The following IFNG-AS1 variants were observed in gnomAD, a reference collection of about 807,000 sequenced individuals.
IFNG-AS1 encodes the protein IFNG regulatory antisense RNA 1, also known as IFNG antisense RNA 1 (non-protein coding).
At chr12:67,991,754 G>A (rs1441850460) in intron 1 of IFNG-AS1, among the ~76,000 whole-genome samples, 1 of 152,156 alleles carries the variant, frequency 6.6e-6, no homozygotes, top group Non-Finnish European at 1.5e-5. Context: ...CTTTTAAATA[G>A]CTGGAAGTCT....
intron 1 of IFNG-AS1, among the ~76,000 whole-genome samples, chr12:67,990,027 T>C (rs1879466668): frequency 6.6e-6 from 1 of 152,210 alleles, no homozygotes; most frequent in African/African-American, 2.4e-5. Context: ...TTAAAATGAA[T>C]TCAGAGAAGT....
At chr12:68,011,006 A>G (rs1167773490) in intron 3 of IFNG-AS1, among the ~76,000 whole-genome samples, 1 of 152,112 alleles carries the variant, frequency 6.6e-6, no homozygotes, top group Admixed American at 6.6e-5. Flanking sequence ...CACTACTATG[A>G]GGTAGGTTTT....
At chr12:68,012,727 TATC>T (rs1409387725) in intron 3 of IFNG-AS1, among the ~76,000 whole-genome samples, 3 of 152,206 alleles carry the variant, frequency 2.0e-5, no homozygotes, top group Non-Finnish European at 4.4e-5. Flanking sequence ...GTATATCTAT[TATC>T]ATCACCTCAC....
chr12:68,006,946 G>T (rs1350064457), intron 3 of IFNG-AS1, among the ~76,000 whole-genome samples: 1 of 152,158 alleles, frequency 6.6e-6, no homozygotes, highest in Non-Finnish European at 1.5e-5. Flanking sequence ...AATAATAAAA[G>T]CATGTTGTTT....
At chr12:67,990,679 C>T (rs530724680) in intron 1 of IFNG-AS1, among the ~76,000 whole-genome samples, 34 of 151,976 alleles carry the variant, frequency 2.2e-4, no homozygotes, top group Non-Finnish European at 2.8e-4. Context: ...CTGCAACCTC[C>T]GCCTCCTGAC....
chr12:68,017,515 A>G (rs1880182237), intron 3 of IFNG-AS1, among the ~76,000 whole-genome samples: 2 of 152,278 alleles, frequency 1.3e-5, no homozygotes, highest in South Asian at 4.1e-4. Flanking sequence ...GAGAATTGAG[A>G]AAATTTGGAG....
intron 3 of IFNG-AS1, among the ~76,000 whole-genome samples, chr12:68,017,522 G>T (rs1286800527): frequency 6.6e-6 from 1 of 152,152 alleles, no homozygotes; most frequent in Admixed American, 6.6e-5. Context: ...GAGAAAATTT[G>T]GAGATAAACT....
At chr12:68,016,457 G>A (rs930864136) in intron 3 of IFNG-AS1, among the ~76,000 whole-genome samples, 2 of 152,150 alleles carry the variant, frequency 1.3e-5, no homozygotes, top group African/African-American at 4.8e-5. Context: ...CTCTGAAGTT[G>A]GGCCTGGTCC....
chr12:67,997,585 A>G (rs558181833), intron 2 of IFNG-AS1, among the ~76,000 whole-genome samples: 2 of 151,940 alleles, frequency 1.3e-5, no homozygotes, highest in East Asian at 1.9e-4. Context: ...TAACGTTGGT[A>G]TAGGGAAAGA....
At chr12:67,991,278 A>C (rs1315304221) in intron 1 of IFNG-AS1, among the ~76,000 whole-genome samples, 4 of 152,258 alleles carry the variant, frequency 2.6e-5, no homozygotes, top group African/African-American at 9.6e-5. Flanking sequence ...AAAAGACGGC[A>C]CATGCTAAGT....
rs755483588 is a variant in IFNG-AS1, at chr12:68,003,425, CT to C, written n.185-2650del. Among the ~76,000 whole-genome samples the C allele has an allele frequency of 2.0e-3, 292 of 142,716 alleles. 5 individuals are homozygous for C. The East Asian group carries it at 0.026, about 13-fold the overall frequency. The allele number at this position is 142,716 out of a possible 152,430, so 93.6% of individuals were successfully genotyped here. ...TCATAGAAGCTAATCATATTCCCCCCTTTTTTTTTTTTTTTGCATTGAGCAC... is the reference window on the plus strand; with the variant it reads ...TCATAGAAGCTAATCATATTCCCCCCTTTTTTTTTTTTTTGCATTGAGCAC... On this transcript the variant is annotated intron_variant and non_coding_transcript_variant, in intron 2 of 5. Transcript: ENST00000536914.
chr12:68,004,968 C>G (rs1395200478), intron 2 of IFNG-AS1, among the ~76,000 whole-genome samples: 1 of 152,158 alleles, frequency 6.6e-6, no homozygotes, highest in Non-Finnish European at 1.5e-5. Context: ...TGTAAGGGAC[C>G]TCTTTTTTAT....
intron 1 of IFNG-AS1, among the ~76,000 whole-genome samples, chr12:67,993,484 T>A (rs1442479892): frequency 6.6e-6 from 1 of 152,246 alleles, no homozygotes; most frequent in East Asian, 1.9e-4. Flanking sequence ...TATATGTATA[T>A]GTGCATATCA....
Position 68,008,333 on chromosome 12 carries a change from G to A in IFNG-AS1, n.241+2187G>A, listed in dbSNP as rs183717021. Among the ~76,000 whole-genome samples the A allele has an allele frequency of 1.4e-3, 219 of 151,804 alleles. 5 individuals carry two copies. In the East Asian group the frequency reaches 0.032, roughly 22 times the overall value. On this transcript the variant is annotated intron_variant and non_coding_transcript_variant, in intron 3 of 5. Transcript: ENST00000536914. ...CGGGAGGCTGAGGCAGGAGAATGGC[G>A]TGAACCCAGGAGGCAGAGGTTGCAG...
intron 1 of IFNG-AS1, among the ~76,000 whole-genome samples, chr12:67,994,741 T>C (rs1038239872): frequency 6.6e-6 from 1 of 152,166 alleles, no homozygotes; most frequent in African/African-American, 2.4e-5. Context: ...ACAAACAACA[T>C]TACATGTTCT....
At chr12:67,997,431 G>A (rs908815649) in intron 2 of IFNG-AS1, among the ~76,000 whole-genome samples, 2 of 151,938 alleles carry the variant, frequency 1.3e-5, no homozygotes, top group Non-Finnish European at 2.9e-5. Flanking sequence ...GGGACAACTG[G>A]ATAGGTATTG....
intron 2 of IFNG-AS1, among the ~76,000 whole-genome samples, chr12:67,999,761 A>G (rs1014955340): frequency 2.0e-5 from 3 of 152,208 alleles, no homozygotes; most frequent in African/African-American, 4.8e-5. Context: ...GTGGGGCAAT[A>G]TATAAGAAAC....
chr12:68,002,073 C>T (rs927215002), intron 2 of IFNG-AS1, among the ~76,000 whole-genome samples: 5 of 152,134 alleles, frequency 3.3e-5, no homozygotes, highest in Admixed American at 2.0e-4. Flanking sequence ...TTTCCTCTCC[C>T]GGTAATGTTT....
chr12:68,004,827 T>C (rs1225315397), intron 2 of IFNG-AS1, among the ~76,000 whole-genome samples: 1 of 151,938 alleles, frequency 6.6e-6, no homozygotes, highest in Non-Finnish European at 1.5e-5. Flanking sequence ...TGGGGAAAAA[T>C]TGGACTCTTC....
Sources: gnomAD v4.1 joint callset for allele counts (sites outside exome capture counted in the v4.1 genomes callset) on GRCh38, gnomAD v4.1.1 for gene constraint, MANE v1.5 for transcripts, NCBI Gene and HGNC (gene_info 2026-07-23, HGNC 2026-07-21) for gene names.